Variants in NRCAM observed in about 807,000 individuals in gnomAD.
NRCAM encodes the protein neuronal cell adhesion molecule.
NRCAM carries 83 observed loss-of-function variants against 156.5 expected under a neutral mutation model. That is an observed-to-expected ratio of 0.53 (90% CI 0.44 to 0.64). The LOEUF (loss-of-function observed/expected upper bound fraction) is 0.64, where lower values mean the gene tolerates loss of function less well. NRCAM is among the 30% of genes least tolerant of loss of function. The pLI, the probability that NRCAM is intolerant of heterozygous loss-of-function variation, is 0.00. For synonymous variants in NRCAM, 538 were observed against 563.9 expected (o/e 0.95, Z 0.65); for missense variants, 1,417 against 1,597.3 (o/e 0.89, Z 1.92).
chr7:108,378,243 G>A (rs1211025134), intron 2 of NRCAM, among the ~76,000 whole-genome samples: 1 of 151,912 alleles, frequency 6.6e-6, no homozygotes, highest in Non-Finnish European at 1.5e-5. Context: ...CTTAAGCAAA[G>A]AGCATGAAAC....
chr7:108,199,739 T>G (rs2076968372), intron 13 of NRCAM, among the ~76,000 whole-genome samples: 1 of 152,114 alleles, frequency 6.6e-6, no homozygotes, highest in Non-Finnish European at 1.5e-5. Context: ...CAGGATAACC[T>G]CCCCATCTCA....
intron 17 of NRCAM, among the ~76,000 whole-genome samples, chr7:108,193,291 T>C (rs752302674): frequency 5.9e-5 from 9 of 152,218 alleles, no homozygotes; most frequent in African/African-American, 1.7e-4. Flanking sequence ...TCCAGGGTCA[T>C]TGACAAGCAA....
intron 3 of NRCAM, among the ~76,000 whole-genome samples, chr7:108,251,910 T>C (rs117645926): frequency 6.6e-6 from 1 of 152,048 alleles, no homozygotes; most frequent in Non-Finnish European, 1.5e-5. Context: ...ATCACTACAC[T>C]CCAGCGTGGG....
At chr7:108,241,549 C>T (rs1393675507) in intron 3 of NRCAM, among the ~76,000 whole-genome samples, 4 of 152,204 alleles carry the variant, frequency 2.6e-5, no homozygotes, top group South Asian at 2.1e-4. Context: ...GTATATTTTA[C>T]GATGTCCATC....
chr7:108,230,928 C>G, intron 8 of NRCAM, 103 bp downstream of exon 8: 4 of 850,386 alleles, frequency 4.7e-6, no homozygotes, highest in Non-Finnish European at 5.3e-6. Context: ...TTTTCCTGAG[C>G]ATCTCTAAAA....
intron 13 of NRCAM, among the ~76,000 whole-genome samples, chr7:108,204,147 A>C (rs2079723152): frequency 6.6e-6 from 1 of 152,170 alleles, no homozygotes; most frequent in South Asian, 2.1e-4. Flanking sequence ...GGGGCCTCTA[A>C]ATTCATGGGA....
chr7:108,250,117 T>C (rs1046108908), intron 3 of NRCAM, among the ~76,000 whole-genome samples: 1 of 152,114 alleles, frequency 6.6e-6, no homozygotes, highest in African/African-American at 2.4e-5. Flanking sequence ...TGGAGTACTA[T>C]TTAGCCATAA....
chr7:108,154,497 G>A (rs539283976), intron 32 of NRCAM, among the ~76,000 whole-genome samples: 1 of 152,220 alleles, frequency 6.6e-6, no homozygotes, highest in Admixed American at 6.5e-5. Context: ...CCAAGAAGGG[G>A]CTCCCCCAAA....
At chr7:108,356,151 A>T (rs2099494730) in intron 2 of NRCAM, among the ~76,000 whole-genome samples, 1 of 152,026 alleles carries the variant, frequency 6.6e-6, no homozygotes, top group Admixed American at 6.6e-5. Context: ...GTTTCACCAT[A>T]GTGGCCAGGC....
Position 108,166,984 on chromosome 7 carries a change from G to C in NRCAM, c.3403C>G (p.Arg1135Gly). ...GLMPGTAYKVRVGAVGDSGFV... is the reference protein window; with the variant it reads ...GLMPGTAYKVGVGAVGDSGFV... Reference sequence around the variant, plus strand: ...CCAGAGTCCCCCACAGCACCAACTCGAACTTTGTATGCTGTTCCTGGCATT... The same window carrying C: ...CCAGAGTCCCCCACAGCACCAACTCCAACTTTGTATGCTGTTCCTGGCATT... Residue 1135 changes from arginine to glycine, a missense_variant, in exon 30 of 33, where the codon CGA becomes GGA. By Grantham distance (125) the Arg-to-Gly change is moderately radical (BLOSUM62 -2). This residue lies in a region of NRCAM where 179 missense variants were observed against 260.9 expected (regional missense o/e 0.69). Coordinates refer to ENST00000379028, the MANE Select transcript of NRCAM (RefSeq NM_001037132.4). 6.2e-7 allele frequency: 1 copy of C among 1,613,884 alleles called. No homozygotes were observed. Among genetic ancestry groups the C allele is most frequent in the Non-Finnish European group, 8.5e-7 (1 of 1,179,832 alleles).
At chr7:108,451,316 G>A (rs951700835) in intron 1 of NRCAM, among the ~76,000 whole-genome samples, 4 of 152,140 alleles carry the variant, frequency 2.6e-5, no homozygotes, top group African/African-American at 9.7e-5. Flanking sequence ...AATAACAAGT[G>A]TTGGAGAAAA....
At chr7:108,455,508 G>C (rs1238922999) in intron 1 of NRCAM, among the ~76,000 whole-genome samples, 1 of 152,044 alleles carries the variant, frequency 6.6e-6, no homozygotes, top group African/African-American at 2.4e-5. Context: ...TCGGAGGCAG[G>C]GCGGGGCGCA....
At chr7:108,155,091 TATATATATATAC>T (rs1368944029) in intron 32 of NRCAM, among the ~76,000 whole-genome samples, 1 of 83,202 alleles carries the variant, frequency 1.2e-5, no homozygotes, top group African/African-American at 7.5e-5. Flanking sequence ...AAAAGTCATA[TATATATATATAC>T]ACACACACAC....
intron 2 of NRCAM, among the ~76,000 whole-genome samples, chr7:108,391,036 G>T (rs887912973): frequency 2.6e-5 from 4 of 152,180 alleles, no homozygotes; most frequent in Non-Finnish European, 5.9e-5. Flanking sequence ...GTGCTGAGAA[G>T]AATGTATATT....
rs2154393470 is a variant in NRCAM at position 108,399,553 on chromosome 7, C to G, written c.-291G>C. ...AGCTTTTGTCGAAGTCTTCAGCAAA[C>G]AGGGGATAAAGAATGCTGAGAGAGA... On this transcript the variant is annotated 5_prime_UTR_variant, in exon 2 of 33. Transcript: ENST00000379028. 6.6e-6 allele frequency: 1 copy of G among 152,232 alleles called. No individual in the cohort carries two copies. Among genetic ancestry groups the G allele is most frequent in the South Asian group, 2.1e-4 (1 of 4,822 alleles). The allele number at this position is 152,232 out of a possible 1,614,324, so 9.4% of individuals were successfully genotyped here.
chr7:108,339,415 A>G (rs1444345074), intron 2 of NRCAM, among the ~76,000 whole-genome samples: 1 of 152,204 alleles, frequency 6.6e-6, no homozygotes, highest in African/African-American at 2.4e-5. Flanking sequence ...TCCTGACTCA[A>G]AAGGTTACCT....
intron 13 of NRCAM, among the ~76,000 whole-genome samples, chr7:108,203,073 C>A (rs187861886): frequency 6.6e-6 from 1 of 152,288 alleles, no homozygotes; most frequent in African/African-American, 2.4e-5. Context: ...ACACCCCCCT[C>A]AGTGTGGCTT....
At position 108,410,809 on chromosome 7, in the gene NRCAM, C is replaced by G. The variant is rs916634677; in HGVS notation, c.-331-11216G>C. Among the ~76,000 whole-genome samples, 6 of 126,890 alleles carry G rather than the reference C, an allele frequency of 4.7e-5. No homozygotes were observed. In the East Asian group the frequency reaches 6.4e-4, roughly 14 times the overall value. The allele number at this position is 126,890 out of a possible 152,430, so 83.2% of individuals were successfully genotyped here. On this transcript the variant is annotated intron_variant, in intron 1 of 32. Transcript: ENST00000379028. ...CATGGGGTGGTTCAGACCCTTGAAA[C>G]TGATTTTTTCTATACTAGTTCTATC...
At chr7:108,335,254 C>T (rs1314145374) in intron 2 of NRCAM, among the ~76,000 whole-genome samples, 4 of 152,066 alleles carry the variant, frequency 2.6e-5, no homozygotes, top group Middle Eastern at 3.2e-3. Context: ...AAATCATAAT[C>T]ATAGGCTTAT....
Sources: gnomAD v4.1 joint callset for allele counts (sites outside exome capture counted in the v4.1 genomes callset) on GRCh38, gnomAD v4.1.1 for gene constraint, gnomAD v4.1.1 regional missense constraint, MANE v1.5 for transcripts, NCBI Gene and HGNC (gene_info 2026-07-23, HGNC 2026-07-21) for gene names.